Variants in ANAPC2 observed in about 807,000 individuals in gnomAD.
ANAPC2 encodes the protein anaphase-promoting complex subunit 2.
In ANAPC2, 29 loss-of-function variants were observed where a neutral mutation model predicts 84.3. The observed-to-expected ratio is 0.34, with a 90% CI of 0.26 to 0.47. ANAPC2 has a LOEUF of 0.47. Ranked by LOEUF, ANAPC2 falls within the 20% of genes least tolerant of loss-of-function variation. The pLI, the probability that ANAPC2 is intolerant of heterozygous loss-of-function variation, is 1.00. For synonymous variants in ANAPC2, 571 were observed against 479.4 expected (o/e 1.19, Z -2.50); for missense variants, 857 against 1,131.7 (o/e 0.76, Z 3.48).
At chr9:137,184,099 C>CG (rs1564378109) in intron 4 of ANAPC2, among the ~76,000 whole-genome samples, 1 of 152,238 alleles carries the variant, frequency 6.6e-6, no homozygotes, top group Non-Finnish European at 1.5e-5. Flanking sequence ...GATCCAGGCA[C>CG]GGGGGACGCC....
Position 137,186,265 on chromosome 9 carries a change from G to T in ANAPC2, c.832C>A (p.Arg278=), listed in dbSNP as rs989996868. 2.5e-6 allele frequency: 4 copies of T among 1,612,430 alleles called. No individual in the cohort carries two copies. The African/African-American group carries it at 5.3e-5, about 22-fold the overall frequency. ...AGGAAGGAGCGCTCGTACTCGCCCC[G>T]GCAACGGTCCTCCATCCTCTCCCGG... is the stretch of plus-strand genomic sequence containing the variant. ...VTRERMEDRC[R]GEYERSFLRE... is the part of the protein sequence containing the mutation. Residue 278 remains arginine (R), a synonymous_variant, in exon 3 of 13, where the codon CGG becomes AGG. Transcript: ENST00000323927.
At chr9:137,175,195 T>A (rs374020459) in intron 12 of ANAPC2, 41 bp from the exon 13 acceptor site, 1 of 1,603,348 alleles carries the variant, frequency 6.2e-7, no homozygotes, top group African/African-American at 1.3e-5. Flanking sequence ...CCTGCAGGCC[T>A]CGCCCCCGCC....
At chr9:137,175,588 A>G in intron 11 of ANAPC2, 116 bp from the exon 12 acceptor site, 1 of 1,487,134 alleles carries the variant, frequency 6.7e-7, no homozygotes, top group Admixed American at 2.2e-5. Flanking sequence ...CCCGTGGGAA[A>G]GGGAAGGGTG....
At chr9:137,185,755 G>A (rs1299220079) in intron 3 of ANAPC2, among the ~76,000 whole-genome samples, 1 of 152,204 alleles carries the variant, frequency 6.6e-6, no homozygotes, top group African/African-American at 2.4e-5. Flanking sequence ...CCAGAGCAGA[G>A]CCCCAGACCA....
At chr9:137,186,535 A>T in intron 2 of ANAPC2, 179 bp from the exon 3 acceptor site, 1 of 899,886 alleles carries the variant, frequency 1.1e-6, no homozygotes, top group Non-Finnish European at 1.6e-6. Context: ...CAAAGGCTTC[A>T]AGAAGCCACT....
In ANAPC2 at chr9:137,175,233, G is replaced by T. The variant is rs758808342; in HGVS notation, c.2256+4C>A. 1.2e-6 allele frequency: 2 copies of T among 1,611,260 alleles called. No homozygotes were observed. The highest frequency in any genetic ancestry group is 2.2e-5 in the East Asian group (1 of 44,804). On this transcript the variant is annotated splice_donor_region_variant and intron_variant, in intron 12 of 12. Transcript: ENST00000323927. ...CTGGCCCCCCGTGGGGCCTGCACGC[G>T]CACCAGCAGCTCCTCCTCCTTCTGG...
chr9:137,184,795 C>G, intron 4 of ANAPC2, 118 bp downstream of exon 4: 1 of 1,322,812 alleles, frequency 7.6e-7, no homozygotes, highest in Non-Finnish European at 1.0e-6. Flanking sequence ...GACGCAGACA[C>G]AGAGCAGACA....
intron 10 of ANAPC2, among the ~76,000 whole-genome samples, chr9:137,179,162 G>C (rs972490398): frequency 6.6e-6 from 1 of 152,154 alleles, no homozygotes; most frequent in Non-Finnish European, 1.5e-5. Context: ...GGGGTACCTG[G>C]GGTTGGGGTC....
chr9:137,177,165 C>A (rs537435181), intron 10 of ANAPC2: 1 of 152,322 alleles, frequency 6.6e-6, no homozygotes, highest in East Asian at 1.9e-4. Flanking sequence ...GAATTTTACA[C>A]CCGCAGAAGT....
chr9:137,181,992 T>C (rs749783072), intron 6 of ANAPC2, 130 bp from the exon 7 acceptor site: 2 of 968,024 alleles, frequency 2.1e-6, no homozygotes, highest in Non-Finnish European at 3.0e-6. Flanking sequence ...GGTGATGGGC[T>C]ATGTACTAAA....
chr9:137,177,766 G>C (rs975807042), intron 10 of ANAPC2, among the ~76,000 whole-genome samples: 3 of 152,138 alleles, frequency 2.0e-5, no homozygotes, highest in Non-Finnish European at 4.4e-5. Context: ...GGTCATTAAA[G>C]ATATAATTAA....
chr9:137,187,670 T>A lies in ANAPC2; in HGVS notation c.551A>T (p.Tyr184Phe). Residue 184 changes from tyrosine (Y) to phenylalanine (F), a missense_variant, in exon 2 of 13, where the codon TAT becomes TTT. Coordinates refer to ENST00000323927, the MANE Select transcript of ANAPC2 (RefSeq NM_013366.4). ...TTCCCCCTTCCTCTTACTCTGCATA[T>A]AGACTCTCAAGAAGCACCCATACAG... is the stretch of plus-strand genomic sequence containing the variant. ...QRLYGCFLRV[Y>F]MQSKRKGEGG... 6.2e-7 allele frequency: 1 copy of A among 1,614,058 alleles called. No individual in the cohort carries two copies.
intron 5 of ANAPC2, 81 bp from the exon 6 acceptor site, chr9:137,183,323 G>A: frequency 8.3e-7 from 1 of 1,204,920 alleles, no homozygotes; most frequent in Non-Finnish European, 1.2e-6. Flanking sequence ...TAGACAGCTG[G>A]CCATGCCGGT....
intron 11 of ANAPC2, 35 bp downstream of exon 11, chr9:137,175,673 G>A (rs369037890): frequency 2.0e-5 from 32 of 1,595,244 alleles, no homozygotes; most frequent in Non-Finnish European, 2.7e-5. Flanking sequence ...GGGCCGTGTG[G>A]CCGGGGCAGG....
At chr9:137,184,550 A>G (rs531324126) in intron 4 of ANAPC2, among the ~76,000 whole-genome samples, 35 of 143,962 alleles carry the variant, frequency 2.4e-4, no homozygotes, top group African/African-American at 8.9e-4. Flanking sequence ...TGGGAGCCCC[A>G]GACGCAGACA....
chr9:137,175,545 GA>G, intron 11 of ANAPC2, 73 bp from the exon 12 acceptor site: 1 of 1,485,298 alleles, frequency 6.7e-7, no homozygotes, highest in African/African-American at 1.4e-5. Context: ...CGTCAGCCGA[GA>G]GGTCGGGGGG....
chr9:137,188,389 GGCC>G, intron 1 of ANAPC2, 24 bp downstream of exon 1: 1 of 1,593,738 alleles, frequency 6.3e-7, no homozygotes, highest in Non-Finnish European at 8.5e-7. Flanking sequence ...CTCCGCGCGG[GGCC>G]GCCCCTCTCT....
At chr9:137,183,062 C>A in intron 6 of ANAPC2, 63 bp downstream of exon 6, 3 of 1,389,278 alleles carry the variant, frequency 2.2e-6, no homozygotes, top group Non-Finnish European at 2.0e-6. Context: ...CCCCCCAGGA[C>A]CACGAGGAGC....
chr9:137,186,563 C>A, intron 2 of ANAPC2: 1 of 669,808 alleles, frequency 1.5e-6, no homozygotes. Flanking sequence ...CAGAGCACTC[C>A]CAGGCTCTGC....
Sources: gnomAD v4.1 joint callset for allele counts (sites outside exome capture counted in the v4.1 genomes callset) on GRCh38, gnomAD v4.1.1 for gene constraint, MANE v1.5 for transcripts, NCBI Gene and HGNC (gene_info 2026-07-23, HGNC 2026-07-21) for gene names.